The following GNG4 variants were observed in gnomAD, a reference collection of about 807,000 sequenced individuals.
The protein encoded by GNG4 is guanine nucleotide-binding protein G(I)/G(S)/G(O) subunit gamma-4.
Under a neutral mutation model 5.8 loss-of-function variants are expected in GNG4, and 4 were observed. That is an observed-to-expected ratio of 0.69 (90% CI 0.34 to 1.57). The LOEUF (loss-of-function observed/expected upper bound fraction) is 1.57, where lower values mean the gene tolerates loss of function less well. Ranked by LOEUF, GNG4 falls within the 40% of genes most tolerant of loss-of-function variation. GNG4 has a pLI of 0.06. For synonymous variants in GNG4, 29 were observed against 32.9 expected (o/e 0.88, Z 0.41); for missense variants, 96 against 95.1 (o/e 1.01, Z -0.04).
In GNG4 at chr1:235,605,816, G is replaced by C. The variant is rs1194764365; in HGVS notation, c.-122-10305C>G. 2.0e-5 allele frequency among the ~76,000 whole-genome samples: 3 copies of C among 152,096 alleles called. No homozygotes were observed. In the East Asian group the frequency reaches 5.8e-4, roughly 29 times the overall value. ...TATTCCTGAAGCCCAGGAGGTCAGGGAGCAGACCAGGAAGGGCCTTGAGTG... is the reference window on the plus strand; with the variant it reads ...TATTCCTGAAGCCCAGGAGGTCAGGCAGCAGACCAGGAAGGGCCTTGAGTG... On this transcript the variant is annotated intron_variant, in intron 1 of 3. Coordinates refer to ENST00000391854, the MANE Select transcript of GNG4 (RefSeq NM_001098722.2).
At chr1:235,573,956 TA>T (rs35022923) in intron 3 of GNG4, among the ~76,000 whole-genome samples, 3 of 152,148 alleles carry the variant, frequency 2.0e-5, no homozygotes, top group Admixed American at 2.0e-4. Context: ...TATCAGGTTA[TA>T]AAAAAGCAAT....
At chr1:235,618,665 T>C (rs1688647954) in intron 1 of GNG4, among the ~76,000 whole-genome samples, 2 of 151,656 alleles carry the variant, frequency 1.3e-5, no homozygotes, top group African/African-American at 4.8e-5. Flanking sequence ...TTTTTGTTTT[T>C]TTTTTTTTGA....
rs1419764855 is a variant in GNG4 at position 235,648,060 on chromosome 1, T to C, written c.-123+1602A>G. On this transcript the variant is annotated intron_variant, in intron 1 of 3. Transcript: ENST00000391854. This position sits in a 1 kb window ranked among gnomAD's most constrained non-coding sequence, Gnocchi z 5.0. ...CTGGTTTCTCCACCATCAGTTTGCA[T>C]GAGAAACGCCAATCATAGGACTGCT... is the stretch of plus-strand genomic sequence containing the variant. 2.0e-5 allele frequency among the ~76,000 whole-genome samples: 3 copies of C among 152,038 alleles called. No homozygotes were observed. Among genetic ancestry groups the C allele is most frequent in the African/African-American group, 2.4e-5 (1 of 41,356 alleles).
rs1558486320 is a variant in GNG4, at chr1:235,587,598, G to T, written c.-10-3750C>A. ...TGGGGTGGCGGTGAGTGTGAGTGTG[G>T]GAGGGCATGGGGTGGGGTGTGTGAA... On this transcript the variant is annotated intron_variant, in intron 2 of 3. Transcript: ENST00000391854. Among the ~76,000 whole-genome samples, 9 of 74,990 alleles carry T rather than the reference G, an allele frequency of 1.2e-4. 3 individuals carry two copies. Among genetic ancestry groups the T allele is most frequent in the East Asian group, 7.3e-4 (2 of 2,734 alleles). The allele number at this position is 74,990 out of a possible 152,430, so 49.2% of individuals were successfully genotyped here.
chr1:235,585,338 C>A (rs745698552), intron 2 of GNG4, among the ~76,000 whole-genome samples: 2 of 152,116 alleles, frequency 1.3e-5, no homozygotes, highest in Non-Finnish European at 2.9e-5. Context: ...CTCCTGGGCT[C>A]AAGCGATCCT....
intron 1 of GNG4, among the ~76,000 whole-genome samples, chr1:235,609,729 A>T (rs1688437600): frequency 6.6e-6 from 1 of 152,068 alleles, no homozygotes; most frequent in Non-Finnish European, 1.5e-5. Context: ...CCTGGACAAC[A>T]TGGTGAAACC....
In GNG4 at chr1:235,594,377, G is replaced by A. The variant is rs1252135884; in HGVS notation, c.-11+1023C>T. Among the ~76,000 whole-genome samples, 3 of 152,242 alleles carry A rather than the reference G, an allele frequency of 2.0e-5. No individual in the cohort carries two copies. The East Asian group carries it at 5.8e-4, about 29-fold the overall frequency. ...AGGAGCCCAGCTGGCTTCACCTAGT[G>A]GATCCCATCTGGGGCCACAGGTGGA... is the stretch of plus-strand genomic sequence containing the variant. On this transcript the variant is annotated intron_variant, in intron 2 of 3. Coordinates refer to ENST00000391854, the MANE Select transcript of GNG4 (RefSeq NM_001098722.2).
chr1:235,555,997 G>T (rs1686894261), intron 3 of GNG4, among the ~76,000 whole-genome samples: 1 of 151,826 alleles, frequency 6.6e-6, no homozygotes, highest in African/African-American at 2.4e-5. Flanking sequence ...CCTTCTAGTA[G>T]CTGGGGTTAC....
chr1:235,581,618 A>G (rs902948800), intron 3 of GNG4, among the ~76,000 whole-genome samples: 1 of 151,724 alleles, frequency 6.6e-6, no homozygotes, highest in Non-Finnish European at 1.5e-5. Flanking sequence ...CATGATTTTC[A>G]ATTTCCTGAG....
intron 1 of GNG4, among the ~76,000 whole-genome samples, chr1:235,597,628 G>GTGTGTGTGTGTGTGTA (rs772061855): frequency 2.8e-5 from 2 of 72,454 alleles, no homozygotes; most frequent in Non-Finnish European, 5.8e-5. Context: ...GTGTGTGTGT[G>GTGTGTGTGTGTGTGTA]TATTTTTTTT....
At chr1:235,555,828 CTTTT>C (rs953053184) in intron 3 of GNG4, among the ~76,000 whole-genome samples, 17 of 151,992 alleles carry the variant, frequency 1.1e-4, no homozygotes, top group African/African-American at 2.2e-4. Flanking sequence ...ACCTCACATA[CTTTT>C]TTTGTGGTTA....
chr1:235,580,739 G>GTTTTGTTTT (rs1687609108), intron 3 of GNG4, among the ~76,000 whole-genome samples: 1 of 98,048 alleles, frequency 1.0e-5, no homozygotes, highest in African/African-American at 4.5e-5. Flanking sequence ...GGCCTATCCC[G>GTTTTGTTTT]TTTTTTGTTT....
At chr1:235,575,408 T>G (rs1469164515) in intron 3 of GNG4, among the ~76,000 whole-genome samples, 1 of 152,230 alleles carries the variant, frequency 6.6e-6, no homozygotes, top group African/African-American at 2.4e-5. Context: ...CTGCGTTTCT[T>G]GGGCTTCAAC....
intron 1 of GNG4, among the ~76,000 whole-genome samples, chr1:235,637,124 A>G (rs940278300): frequency 6.6e-6 from 1 of 152,074 alleles, no homozygotes; most frequent in African/African-American, 2.4e-5. Flanking sequence ...GGGTACATGA[A>G]TGCTTTTAGC....
At chr1:235,628,247 T>G (rs890630221) in intron 1 of GNG4, among the ~76,000 whole-genome samples, 1 of 152,172 alleles carries the variant, frequency 6.6e-6, no homozygotes, top group Non-Finnish European at 1.5e-5. Flanking sequence ...AGAGTCTTTC[T>G]GGCTTTTGTT....
intron 1 of GNG4, among the ~76,000 whole-genome samples, chr1:235,638,344 A>C (rs1657196009): frequency 6.6e-6 from 1 of 152,152 alleles, no homozygotes; most frequent in Non-Finnish European, 1.5e-5. Flanking sequence ...CTGGAGTTCA[A>C]AAGTCTGAAA....
chr1:235,588,297 C>T (rs1199339343), intron 2 of GNG4, among the ~76,000 whole-genome samples: 1 of 151,284 alleles, frequency 6.6e-6, no homozygotes, highest in Admixed American at 6.6e-5. Context: ...CCTCTCAGGC[C>T]CTCCATGTGC....
intron 3 of GNG4, among the ~76,000 whole-genome samples, chr1:235,577,305 C>G (rs1687508337): frequency 6.6e-6 from 1 of 152,172 alleles, no homozygotes; most frequent in African/African-American, 2.4e-5. Context: ...TGCCACGATT[C>G]CTACCATGGA....
rs1657616802 is a variant in GNG4 at position 235,649,768 on chromosome 1, A to C, written c.-229T>G. ...CGGGGCGCGGGCCGGGCTCGGGTGC[A>C]AACGCGCGCCTCGTGCCCCTCCCGC... is the stretch of plus-strand genomic sequence containing the variant. On this transcript the variant is annotated 5_prime_UTR_variant, in exon 1 of 4. Coordinates refer to ENST00000391854, the MANE Select transcript of GNG4 (RefSeq NM_001098722.2). The surrounding 1 kb of genome is among the most constrained non-coding windows in gnomAD (Gnocchi z 5.7). 6.7e-6 allele frequency: 1 copy of C among 150,024 alleles called. No homozygotes were observed. The highest frequency in any genetic ancestry group is 2.1e-4 in the South Asian group (1 of 4,764). 9.3% of individuals were successfully genotyped at this position (150,024 alleles called of 1,614,324 possible).
Sources: gnomAD v4.1 joint callset for allele counts (sites outside exome capture counted in the v4.1 genomes callset) on GRCh38, gnomAD v4.1.1 for gene constraint, Gnocchi (gnomAD v3.1) non-coding constraint, MANE v1.5 for transcripts, NCBI Gene and HGNC (gene_info 2026-07-23, HGNC 2026-07-21) for gene names.